The following ANKRD13C variants were observed in gnomAD, a reference collection of about 807,000 sequenced individuals.
ANKRD13C encodes ankyrin repeat domain-containing protein 13C.
ANKRD13C carries 16 observed loss-of-function variants against 65.5 expected under a neutral mutation model. That is an observed-to-expected ratio of 0.24 (90% confidence interval 0.17 to 0.37). The LOEUF is 0.37. ANKRD13C is among the 10% of genes least tolerant of loss of function. The pLI is 1.00. For missense variants in ANKRD13C, 503 were observed against 655.9 expected (o/e 0.77, Z 2.55); for synonymous variants, 235 against 238.7 (o/e 0.98, Z 0.14).
chr1:70,307,191 T>G (rs936503977), intron 5 of ANKRD13C, among the ~76,000 whole-genome samples: 5 of 152,212 alleles, frequency 3.3e-5, no homozygotes, highest in Non-Finnish European at 7.3e-5. Context: ...GGCTAATTTC[T>G]TAGTTAACTT....
rs1678347301 is a variant in ANKRD13C at position 70,260,345 on chromosome 1, G to C, written c.*2372C>G. Among the ~76,000 whole-genome samples, 1 of 152,062 alleles carries C rather than the reference G, an allele frequency of 6.6e-6. No individual in the cohort carries two copies. Among genetic ancestry groups the C allele is most frequent in the Non-Finnish European group, 1.5e-5 (1 of 67,958 alleles). ...ATCTTCTCTGGATACCATACCAGTG[G>C]GCAAGAATATTAACCATTTCTAAAT... On this transcript the variant is annotated 3_prime_UTR_variant, in exon 13 of 13. Transcript: ENST00000370944.
rs980392173 is a variant in ANKRD13C, at chr1:70,261,722, G to C, written c.*995C>G. The C allele has an allele frequency of 6.6e-6, 1 of 152,364 alleles. No individual in the cohort carries two copies. The highest frequency in any genetic ancestry group is 1.5e-5 in the Non-Finnish European group (1 of 67,934). The allele number at this position is 152,364 out of a possible 1,614,324, so 9.4% of individuals were successfully genotyped here. On this transcript the variant is annotated 3_prime_UTR_variant, in exon 13 of 13. Transcript: ENST00000370944. ...AAATGTTTTTATCTTATTTTGAAAGGATTAAATATGTAGGGTTGTCCAAAA... is the reference window on the plus strand; with the variant it reads ...AAATGTTTTTATCTTATTTTGAAAGCATTAAATATGTAGGGTTGTCCAAAA...
chr1:70,304,520 C>G (rs180916496), intron 6 of ANKRD13C, among the ~76,000 whole-genome samples: 2 of 151,908 alleles, frequency 1.3e-5, no homozygotes, highest in Non-Finnish European at 2.9e-5. Flanking sequence ...CCTCAGCCTC[C>G]CAGGTAGCTG....
intron 3 of ANKRD13C, among the ~76,000 whole-genome samples, chr1:70,320,379 G>C (rs1167933269): frequency 6.6e-6 from 1 of 151,848 alleles, no homozygotes; most frequent in Non-Finnish European, 1.5e-5. Flanking sequence ...CAGGCTCCAG[G>C]CTGGAGTGCA....
intron 9 of ANKRD13C, among the ~76,000 whole-genome samples, chr1:70,289,211 T>C (rs1026879351): frequency 2.6e-5 from 4 of 152,220 alleles, no homozygotes; most frequent in Admixed American, 1.3e-4. Flanking sequence ...TGTTCCATTA[T>C]GTAGCTATCT....
chr1:70,315,499 T>C lies in ANKRD13C; in HGVS notation c.645A>G (p.Leu215=). Residue 215 remains leucine (L), a synonymous_variant, in exon 4 of 13, where the codon TTA becomes TTG. Coordinates refer to ENST00000370944, the MANE Select transcript of ANKRD13C (RefSeq NM_030816.5). ...AGCTTACCTCTTTCAGGGCTTTTAA[T>C]AATCGAGGTCGTTTTTCTTCAACAC... The part of the protein sequence containing the change: ...RESVEEKRPR[L]LKALKELGDF... The C allele has an allele frequency of 6.2e-7, 1 of 1,605,410 alleles. No individual in the cohort carries two copies. Among genetic ancestry groups the C allele is most frequent in the Non-Finnish European group, 8.5e-7 (1 of 1,174,900 alleles).
intron 9 of ANKRD13C, among the ~76,000 whole-genome samples, chr1:70,289,328 T>G (rs1224297801): frequency 6.6e-6 from 1 of 152,164 alleles, no homozygotes; most frequent in Non-Finnish European, 1.5e-5. Context: ...CCTCTGCCCT[T>G]AAGAAAATCA....
chr1:70,300,548 A>G (rs1265111009), intron 7 of ANKRD13C, among the ~76,000 whole-genome samples: 2 of 152,146 alleles, frequency 1.3e-5, no homozygotes, highest in African/African-American at 2.4e-5. Context: ...AGATCACGCC[A>G]CTGCATTTCA....
intron 9 of ANKRD13C, among the ~76,000 whole-genome samples, chr1:70,289,269 A>C (rs1294239853): frequency 6.6e-6 from 1 of 152,186 alleles, no homozygotes; most frequent in Non-Finnish European, 1.5e-5. Context: ...CGGCTGCTTA[A>C]AATGCTACTT....
intron 7 of ANKRD13C, among the ~76,000 whole-genome samples, chr1:70,296,812 A>C (rs2101303946): frequency 6.6e-6 from 1 of 152,320 alleles, no homozygotes; most frequent in Admixed American, 6.5e-5. Flanking sequence ...GAAGGAAAAG[A>C]AGCAAGAAAG....
rs567299845 is a variant in ANKRD13C, at chr1:70,267,108, A to G, written c.1495+3748T>C. 2.6e-5 allele frequency among the ~76,000 whole-genome samples: 4 copies of G among 152,146 alleles called. No homozygotes were observed. In the South Asian group the frequency reaches 8.3e-4, roughly 32 times the overall value. The stretch of plus-strand genomic sequence containing the variant: ...GTTTCATCTATCTTGCAACTCTGTT[A>G]CTTGGTATATATACATTTAGAATGG... On this transcript the variant is annotated intron_variant, in intron 12 of 12. Coordinates refer to ENST00000370944, the MANE Select transcript of ANKRD13C (RefSeq NM_030816.5).
At chr1:70,353,921 G>A in intron 1 of ANKRD13C, 58 bp downstream of exon 1, 1 of 1,451,836 alleles carries the variant, frequency 6.9e-7, no homozygotes, top group African/African-American at 1.4e-5. Flanking sequence ...AGAAGCCTGG[G>A]GAGGCACACC....
intron 5 of ANKRD13C, among the ~76,000 whole-genome samples, chr1:70,311,444 C>T (rs1218173015): frequency 1.3e-5 from 2 of 152,062 alleles, no homozygotes; most frequent in Admixed American, 1.3e-4. Context: ...GACTGCATTC[C>T]AGCCTGGGTG....
intron 2 of ANKRD13C, among the ~76,000 whole-genome samples, chr1:70,330,891 C>T (rs1049292723): frequency 6.6e-6 from 1 of 151,534 alleles, no homozygotes; most frequent in Non-Finnish European, 1.5e-5. Flanking sequence ...CTGAAACCTT[C>T]CTTACTTAAG....
chr1:70,278,515 T>C (rs1267633922), intron 9 of ANKRD13C, among the ~76,000 whole-genome samples: 1 of 152,068 alleles, frequency 6.6e-6, no homozygotes, highest in African/African-American at 2.4e-5. Context: ...AGCGACTCTA[T>C]GTCTCAAGAA....
At chr1:70,283,217 CA>C (rs1376833514) in intron 9 of ANKRD13C, among the ~76,000 whole-genome samples, 6 of 152,110 alleles carry the variant, frequency 3.9e-5, no homozygotes, top group Non-Finnish European at 5.9e-5. Context: ...CTGAATCCTT[CA>C]GTGCCTCCTC....
At chr1:70,299,636 G>T (rs1201191997) in intron 7 of ANKRD13C, among the ~76,000 whole-genome samples, 1 of 152,134 alleles carries the variant, frequency 6.6e-6, no homozygotes, top group African/African-American at 2.4e-5. Context: ...CAGAGTACAA[G>T]AAAAGATATC....
intron 1 of ANKRD13C, among the ~76,000 whole-genome samples, chr1:70,343,588 T>C (rs900944449): frequency 9.2e-5 from 14 of 152,194 alleles, no homozygotes; most frequent in Non-Finnish European, 1.6e-4. Flanking sequence ...GTCTCTCTAT[T>C]GCCCAGGGTG....
intron 7 of ANKRD13C, among the ~76,000 whole-genome samples, chr1:70,297,783 C>T (rs1384481312): frequency 2.0e-5 from 3 of 150,192 alleles, no homozygotes; most frequent in Non-Finnish European, 3.0e-5. Context: ...CATGGTGGCA[C>T]GCGCCTGTAG....
Sources: allele counts gnomAD v4.1 joint callset (sites outside exome capture counted in the v4.1 genomes callset), GRCh38; gene constraint gnomAD v4.1.1; transcripts MANE v1.5; gene names NCBI Gene and HGNC (gene_info 2026-07-23, HGNC 2026-07-21).